The following NKAIN1 variants were observed in gnomAD, a reference collection of about 807,000 sequenced individuals.
The protein encoded by NKAIN1 is sodium/potassium-transporting ATPase subunit beta-1-interacting protein 1.
NKAIN1 carries 13 observed loss-of-function variants against 31.6 expected under a neutral mutation model. That is an observed-to-expected ratio of 0.41 (90% CI 0.27 to 0.65). The LOEUF (loss-of-function observed/expected upper bound fraction) is 0.65. NKAIN1 is among the 30% of genes least tolerant of loss of function. NKAIN1 has a pLI of 0.30. For missense variants in NKAIN1, 193 were observed against 262.2 expected (o/e 0.74, Z 1.82); for synonymous variants, 104 against 109.0 (o/e 0.95, Z 0.28).
At chr1:31,193,551 CT>C (rs1364768928) in intron 1 of NKAIN1, among the ~76,000 whole-genome samples, 1 of 151,736 alleles carries the variant, frequency 6.6e-6, no homozygotes, top group Admixed American at 6.6e-5. Context: ...AAAAAATTAG[CT>C]GGGCGTGGTG....
At position 31,239,386 on chromosome 1, in the gene NKAIN1, A is replaced by C; in HGVS notation, c.54+108T>G. On this transcript the variant is annotated intron_variant, in intron 1 of 6. Coordinates refer to ENST00000373736, the MANE Select transcript of NKAIN1 (RefSeq NM_024522.3). The surrounding 1 kb of genome is among the most constrained non-coding windows in gnomAD (Gnocchi z 4.8). ...TCCAGACCACCCCCCGCCCGGGCACACGCACCAGACACACACACAGAGACA... is the reference window on the plus strand; with the variant it reads ...TCCAGACCACCCCCCGCCCGGGCACCCGCACCAGACACACACACAGAGACA... 1 of 793,442 alleles carries C rather than the reference A, an allele frequency of 1.3e-6. No individual in the cohort carries two copies. The highest frequency in any genetic ancestry group is 1.7e-6 in the Non-Finnish European group (1 of 572,150). The allele number at this position is 793,442 out of a possible 1,614,324, so 49.2% of individuals were successfully genotyped here.
At chr1:31,232,426 GAGAGAGAGAGAGAGA>G (rs1645659717) in intron 1 of NKAIN1, among the ~76,000 whole-genome samples, 6 of 12,486 alleles carry the variant, frequency 4.8e-4, no homozygotes, top group African/African-American at 1.1e-3. Context: ...TATATATATA[GAGAGAGAGAGAGAGA>G]GAGAGAGAGA....
At chr1:31,212,333 C>T (rs6695349) in intron 1 of NKAIN1, among the ~76,000 whole-genome samples, 102,122 of 151,676 alleles carry the variant, frequency 0.67, 35,231 homozygotes, top group Middle Eastern at 0.86. Context: ...ATGTAAGAGC[C>T]AAAACTATAA....
At chr1:31,190,753 G>T (rs1176491257) in intron 1 of NKAIN1, among the ~76,000 whole-genome samples, 4 of 152,136 alleles carry the variant, frequency 2.6e-5, no homozygotes, top group Non-Finnish European at 5.9e-5. Flanking sequence ...CCCCAGGCTT[G>T]TCCAGGGGCC....
intron 1 of NKAIN1, among the ~76,000 whole-genome samples, chr1:31,216,000 G>A (rs535954379): frequency 1.3e-5 from 2 of 152,072 alleles, no homozygotes; most frequent in African/African-American, 2.4e-5. Flanking sequence ...GAGCTGGAGT[G>A]GGGGCACAGC....
At chr1:31,226,181 G>T (rs181504386) in intron 1 of NKAIN1, among the ~76,000 whole-genome samples, 1 of 152,208 alleles carries the variant, frequency 6.6e-6, no homozygotes, top group African/African-American at 2.4e-5. Flanking sequence ...GTATAGAGAC[G>T]TCAAGCAACT....
intron 1 of NKAIN1, among the ~76,000 whole-genome samples, chr1:31,226,893 G>A (rs570887470): frequency 3.3e-5 from 5 of 152,008 alleles, no homozygotes; most frequent in South Asian, 2.1e-4. Context: ...TTGCAATCTC[G>A]TCTCACTGCA....
chr1:31,221,333 A>T (rs1645563011), intron 1 of NKAIN1, among the ~76,000 whole-genome samples: 1 of 152,182 alleles, frequency 6.6e-6, no homozygotes, highest in Non-Finnish European at 1.5e-5. Context: ...TGGTCCCTGG[A>T]CTAGCAGCAT....
intron 1 of NKAIN1, among the ~76,000 whole-genome samples, chr1:31,223,590 C>G (rs7523841): frequency 0.32 from 48,004 of 151,724 alleles, 9,625 homozygotes; most frequent in African/African-American, 0.57. Flanking sequence ...GACTACAGGC[C>G]CCTGCCACCA....
rs1277955652 is a variant in NKAIN1 at position 31,233,421 on chromosome 1, G to A, written c.54+6073C>T. On this transcript the variant is annotated intron_variant, in intron 1 of 6. Transcript: ENST00000373736. The surrounding 1 kb of genome is among the most constrained non-coding windows in gnomAD (Gnocchi z 4.0). ...TCCAGCGTCCCACAATACTAGCAGGGGGCAATGGGGCATGCAGGGAGAAGC... is the reference window on the plus strand; with the variant it reads ...TCCAGCGTCCCACAATACTAGCAGGAGGCAATGGGGCATGCAGGGAGAAGC... Among the ~76,000 whole-genome samples the A allele has an allele frequency of 6.6e-6, 1 of 152,130 alleles. No individual in the cohort carries two copies. Among genetic ancestry groups the A allele is most frequent in the Non-Finnish European group, 1.5e-5 (1 of 68,020 alleles).
At chr1:31,231,731 A>AT in intron 1 of NKAIN1, among the ~76,000 whole-genome samples, 1 of 149,532 alleles carries the variant, frequency 6.7e-6, no homozygotes, top group Admixed American at 6.7e-5. Flanking sequence ...AGGGTTTCAC[A>AT]GTGTTAGCCA....
chr1:31,237,690 T>G (rs1645702527), intron 1 of NKAIN1, among the ~76,000 whole-genome samples: 3 of 151,950 alleles, frequency 2.0e-5, no homozygotes, highest in Non-Finnish European at 4.4e-5. Flanking sequence ...GTGATGGGGT[T>G]TCTTCATGTT....
intron 1 of NKAIN1, among the ~76,000 whole-genome samples, chr1:31,211,273 A>G (rs1645466857): frequency 6.6e-6 from 1 of 152,230 alleles, no homozygotes; most frequent in Non-Finnish European, 1.5e-5. Context: ...AGAATCCCCA[A>G]AAAACAACTA....
intron 1 of NKAIN1, among the ~76,000 whole-genome samples, chr1:31,218,283 C>T (rs1476232527): frequency 6.6e-6 from 1 of 151,916 alleles, no homozygotes; most frequent in Non-Finnish European, 1.5e-5. Flanking sequence ...AGGATGGTCT[C>T]GATCTCCTGA....
chr1:31,229,100 C>A (rs7523406), intron 1 of NKAIN1, among the ~76,000 whole-genome samples: 49,299 of 152,062 alleles, frequency 0.32, 10,602 homozygotes, highest in African/African-American at 0.62. Flanking sequence ...AGAACCCAGG[C>A]ATTCTGTCTT....
Position 31,181,611 on chromosome 1 carries a change from G to A in NKAIN1, c.*92C>T, listed in dbSNP as rs1645198343. 3.9e-6 allele frequency: 5 copies of A among 1,266,610 alleles called. No individual in the cohort carries two copies. In the East Asian group the frequency reaches 1.1e-4, roughly 28 times the overall value. The allele number at this position is 1,266,610 out of a possible 1,614,324, so 78.5% of individuals were successfully genotyped here. ...GGCACAGGCTGCAGTGAGCGCGCGG[G>A]CCACCAGGGGGACACGCCTGCGCCT... On this transcript the variant is annotated 3_prime_UTR_variant, in exon 7 of 7. Coordinates refer to ENST00000373736, the MANE Select transcript of NKAIN1 (RefSeq NM_024522.3).
At chr1:31,206,046 C>A (rs1489238307) in intron 1 of NKAIN1, among the ~76,000 whole-genome samples, 1 of 149,900 alleles carries the variant, frequency 6.7e-6, no homozygotes, top group East Asian at 2.0e-4. Flanking sequence ...CCAGCCTGAC[C>A]AATATGATGA....
chr1:31,219,618 G>A (rs546065356), intron 1 of NKAIN1, among the ~76,000 whole-genome samples: 14 of 152,344 alleles, frequency 9.2e-5, no homozygotes, highest in African/African-American at 1.9e-4. Flanking sequence ...TTCCGGTACC[G>A]CCCAGGTCCC....
chr1:31,216,969 G>A (rs1645518505), intron 1 of NKAIN1, among the ~76,000 whole-genome samples: 1 of 152,118 alleles, frequency 6.6e-6, no homozygotes, highest in Non-Finnish European at 1.5e-5. Context: ...GCATTCAAGC[G>A]ATTCTCCCGC....
Sources: allele counts gnomAD v4.1 joint callset (sites outside exome capture counted in the v4.1 genomes callset), GRCh38; gene constraint gnomAD v4.1.1; non-coding constraint Gnocchi (gnomAD v3.1); transcripts MANE v1.5; gene names NCBI Gene and HGNC (gene_info 2026-07-23, HGNC 2026-07-21).